The following SMG6 variants were observed in gnomAD, a reference collection of about 807,000 sequenced individuals.
SMG6 encodes the protein SMG6 nonsense mediated mRNA decay factor.
SMG6 carries 66 observed loss-of-function variants against 142.2 expected under a neutral mutation model. That is an observed-to-expected ratio of 0.46 (90% CI 0.38 to 0.57). The LOEUF (loss-of-function observed/expected upper bound fraction) is 0.57. SMG6 is among the 20% of genes least tolerant of loss of function. The pLI is 0.00. For missense variants in SMG6, 1,793 were observed against 1,832.0 expected (o/e 0.98, Z 0.39); for synonymous variants, 779 against 702.4 (o/e 1.11, Z -1.72).
At chr17:2,246,956 A>C (rs2073941749) in intron 8 of SMG6, among the ~76,000 whole-genome samples, 1 of 152,184 alleles carries the variant, frequency 6.6e-6, no homozygotes, top group Admixed American at 6.5e-5. Flanking sequence ...TCAAAAAATA[A>C]AACAAAACAA....
chr17:2,159,175 C>G (rs1254195419), intron 13 of SMG6, among the ~76,000 whole-genome samples: 2 of 152,144 alleles, frequency 1.3e-5, no homozygotes, highest in Admixed American at 1.3e-4. Flanking sequence ...AATCTCAGCA[C>G]TTTGGGAGGC....
intron 13 of SMG6, among the ~76,000 whole-genome samples, chr17:2,121,786 T>G (rs1342417425): frequency 6.6e-6 from 1 of 152,052 alleles, no homozygotes; most frequent in African/African-American, 2.4e-5. Context: ...TTGGCTAATT[T>G]TTGTATTTTT....
At chr17:2,077,388 G>A (rs1416855944) in intron 15 of SMG6, among the ~76,000 whole-genome samples, 1 of 152,320 alleles carries the variant, frequency 6.6e-6, no homozygotes, top group East Asian at 1.9e-4. Flanking sequence ...GAGACCAGGG[G>A]GGGCTTCACT....
intron 13 of SMG6, among the ~76,000 whole-genome samples, chr17:2,121,254 ACT>A (rs1491204731): frequency 6.6e-6 from 1 of 151,892 alleles, no homozygotes; most frequent in Non-Finnish European, 1.5e-5. Context: ...AAACAGATTC[ACT>A]GTCAACCAGA....
At chr17:2,111,256 T>G (rs2069307802) in intron 13 of SMG6, among the ~76,000 whole-genome samples, 1 of 152,062 alleles carries the variant, frequency 6.6e-6, no homozygotes, top group Non-Finnish European at 1.5e-5. Flanking sequence ...TGGGAAGTAC[T>G]GTGAAAAAAA....
chr17:2,295,101 C>T (rs1470505378), intron 4 of SMG6, among the ~76,000 whole-genome samples: 3 of 152,172 alleles, frequency 2.0e-5, no homozygotes, highest in Non-Finnish European at 4.4e-5. Flanking sequence ...TGGTCTCAAA[C>T]TCCTGACCTC....
intron 18 of SMG6, 98 bp from the exon 19 acceptor site, chr17:2,061,720 G>T: frequency 1.5e-6 from 2 of 1,348,560 alleles, no homozygotes; most frequent in Non-Finnish European, 2.0e-6. Flanking sequence ...GGGAGGGGGT[G>T]CCACGCTAGC....
At chr17:2,150,434 G>T (rs925861654) in intron 13 of SMG6, among the ~76,000 whole-genome samples, 8 of 152,154 alleles carry the variant, frequency 5.3e-5, no homozygotes, top group African/African-American at 1.9e-4. Context: ...TGTCTACTGT[G>T]TTCATCAACA....
chr17:2,251,704 G>A (rs1053370012), intron 8 of SMG6, among the ~76,000 whole-genome samples: 2 of 152,198 alleles, frequency 1.3e-5, no homozygotes, highest in Non-Finnish European at 2.9e-5. Context: ...GGGAAATTGA[G>A]CTAAATCAGT....
intron 13 of SMG6, among the ~76,000 whole-genome samples, chr17:2,107,219 G>A (rs1193801195): frequency 1.3e-5 from 2 of 152,054 alleles, no homozygotes; most frequent in African/African-American, 2.4e-5. Flanking sequence ...GCTGACAGCT[G>A]GAAATCCTGC....
intron 8 of SMG6, among the ~76,000 whole-genome samples, chr17:2,251,008 C>T (rs139498774): frequency 9.3e-4 from 141 of 152,208 alleles, no homozygotes; most frequent in Middle Eastern, 3.4e-3. Flanking sequence ...AGATAAATAA[C>T]ATACCAACTT....
rs187788769 is a variant in SMG6 at position 2,194,391 on chromosome 17, C to A, written c.2870-5876G>T. Among the ~76,000 whole-genome samples, 13 of 152,224 alleles carry A rather than the reference C, an allele frequency of 8.5e-5. No homozygotes were observed. The East Asian group carries it at 2.3e-3, about 27-fold the overall frequency. ...TGGAAAAAGGTAACAATGAGGGAGA[C>A]CAGTTGGGAAGCTAAGAGAGCATGA... On this transcript the variant is annotated intron_variant, in intron 10 of 18. Transcript: ENST00000263073.
intron 13 of SMG6, chr17:2,087,796 G>T: frequency 1.0e-6 from 1 of 985,870 alleles, no homozygotes; most frequent in South Asian, 4.7e-5. Context: ...TGGCCTCCCT[G>T]CATCTCCAGC....
chr17:2,105,083 ATTTTTTTT>A (rs549898049), intron 13 of SMG6, among the ~76,000 whole-genome samples: 8,495 of 103,158 alleles, frequency 0.082, 330 homozygotes, highest in Middle Eastern at 0.12. Context: ...CACCCAGCTA[ATTTTTTTT>A]TTTTTTTTTT....
intron 8 of SMG6, among the ~76,000 whole-genome samples, chr17:2,273,832 T>C (rs2074592662): frequency 6.6e-6 from 1 of 152,046 alleles, no homozygotes; most frequent in Admixed American, 6.6e-5. Flanking sequence ...GGTTATATAT[T>C]GACCAGTTGA....
At position 2,299,339 on chromosome 17, in the gene SMG6, G is replaced by A. The variant is rs1221707525; in HGVS notation, c.1414C>T (p.Pro472Ser). The A allele has an allele frequency of 6.2e-7, 1 of 1,614,070 alleles. No individual in the cohort carries two copies. Among genetic ancestry groups the A allele is most frequent in the Admixed American group, 1.7e-5 (1 of 60,014 alleles). ...DQKPALKTQT[P>S]QLHFLDTDDE... ...TCAGTGTCCAAGAAATGTAGCTGGG[G>A]CGTCTGAGTCTTTAGAGCAGGTTTC... Residue 472 changes from proline to serine, a missense_variant, in exon 2 of 19, where the codon CCC (proline) becomes TCC (serine). Physicochemically the swap from Pro to Ser is moderately conservative, Grantham distance 74. Coordinates refer to ENST00000263073, the MANE Select transcript of SMG6 (RefSeq NM_017575.5). This position sits in a 1 kb window ranked among gnomAD's most constrained non-coding sequence, Gnocchi z 4.3.
chr17:2,069,337 G>T (rs147336652), intron 15 of SMG6, among the ~76,000 whole-genome samples: 50 of 151,648 alleles, frequency 3.3e-4, no homozygotes, highest in Non-Finnish European at 5.2e-4. Flanking sequence ...AATGCAAACA[G>T]AATCTGTTAT....
At chr17:2,184,360 G>C (rs1331217717) in intron 12 of SMG6, among the ~76,000 whole-genome samples, 1 of 148,848 alleles carries the variant, frequency 6.7e-6, no homozygotes, top group Non-Finnish European at 1.5e-5. Context: ...AAGACTCTGG[G>C]GGGAAAAAAA....
chr17:2,117,224 A>G (rs575798087), intron 13 of SMG6, among the ~76,000 whole-genome samples: 1 of 152,070 alleles, frequency 6.6e-6, no homozygotes, highest in South Asian at 2.1e-4. Flanking sequence ...CCTCCCAAGT[A>G]GCTGGGACCA....
Sources: allele counts gnomAD v4.1 joint callset (sites outside exome capture counted in the v4.1 genomes callset), GRCh38; gene constraint gnomAD v4.1.1; non-coding constraint Gnocchi (gnomAD v3.1); transcripts MANE v1.5; gene names NCBI Gene and HGNC (gene_info 2026-07-23, HGNC 2026-07-21).